CTNNA3: variants seen among roughly 807,000 people sequenced by gnomAD.
The protein encoded by CTNNA3 is catenin alpha-3.
In CTNNA3, 76 loss-of-function variants were observed where a neutral mutation model predicts 95.7. That is an observed-to-expected ratio of 0.79 (90% confidence interval 0.66 to 0.96). CTNNA3 has a LOEUF of 0.96. Ranked by LOEUF, CTNNA3 falls within the 40% of genes least tolerant of loss-of-function variation. The pLI, the probability that CTNNA3 is intolerant of heterozygous loss-of-function variation, is 0.00. For synonymous variants in CTNNA3, 431 were observed against 374.4 expected (o/e 1.15, Z -1.74); for missense variants, 1,191 against 1,089.8 (o/e 1.09, Z -1.31).
chr10:66,042,599 T>TA (rs770189742), intron 15 of CTNNA3, among the ~76,000 whole-genome samples: 23 of 150,630 alleles, frequency 1.5e-4, no homozygotes, highest in African/African-American at 3.2e-4. Flanking sequence ...GAAGTAGTAT[T>TA]AAAAAAAAAT....
intron 5 of CTNNA3, among the ~76,000 whole-genome samples, chr10:67,326,557 T>C (rs1841544660): frequency 6.6e-6 from 1 of 152,230 alleles, no homozygotes. Context: ...TGGCCCCCAA[T>C]TTCCTCTGGC....
At chr10:66,962,467 T>G (rs1849165659) in intron 7 of CTNNA3, among the ~76,000 whole-genome samples, 2 of 151,842 alleles carry the variant, frequency 1.3e-5, no homozygotes, top group Admixed American at 6.6e-5. Flanking sequence ...TGGAGTGCAG[T>G]GGTGTGATCT....
chr10:65,966,285 T>C (rs73306048), intron 17 of CTNNA3, among the ~76,000 whole-genome samples: 1 of 152,160 alleles, frequency 6.6e-6, no homozygotes, highest in Non-Finnish European at 1.5e-5. Context: ...TTTAGAAAAA[T>C]TATAGGATTC....
intron 11 of CTNNA3, among the ~76,000 whole-genome samples, chr10:66,480,381 C>A (rs1290200495): frequency 6.6e-6 from 1 of 152,112 alleles, no homozygotes; most frequent in Non-Finnish European, 1.5e-5. Flanking sequence ...ATGTTCCCAG[C>A]TCCTCTAATC....
intron 5 of CTNNA3, among the ~76,000 whole-genome samples, chr10:67,390,890 T>C (rs1256978515): frequency 2.7e-5 from 4 of 150,182 alleles, no homozygotes; most frequent in African/African-American, 9.8e-5. Context: ...AAATTAGGTA[T>C]TGATGGGACG....
chr10:67,332,294 T>C (rs1841824503), intron 5 of CTNNA3, among the ~76,000 whole-genome samples: 1 of 152,194 alleles, frequency 6.6e-6, no homozygotes, highest in Admixed American at 6.5e-5. Flanking sequence ...TCCTATTCTT[T>C]TTAGTGTTGA....
chr10:67,677,423 A>T (rs1442474526), intron 1 of CTNNA3, among the ~76,000 whole-genome samples: 1 of 152,112 alleles, frequency 6.6e-6, no homozygotes, highest in Non-Finnish European at 1.5e-5. Flanking sequence ...TGTGTCCTGT[A>T]TTTTTATTTA....
chr10:66,914,542 C>CAAA (rs34229702), intron 7 of CTNNA3, among the ~76,000 whole-genome samples: 10 of 132,382 alleles, frequency 7.6e-5, no homozygotes, highest in African/African-American at 1.7e-4. Context: ...AGTATACCAC[C>CAAA]AAAAAAAAAA....
At chr10:67,557,858 A>G (rs1484866701) in intron 3 of CTNNA3, among the ~76,000 whole-genome samples, 1 of 152,026 alleles carries the variant, frequency 6.6e-6, no homozygotes, top group East Asian at 1.9e-4. Flanking sequence ...ATTACTCAAC[A>G]CCTATGATAC....
intron 7 of CTNNA3, among the ~76,000 whole-genome samples, chr10:67,047,861 A>G (rs945749903): frequency 2.6e-5 from 4 of 152,020 alleles, no homozygotes; most frequent in African/African-American, 7.2e-5. Flanking sequence ...TCTTAGTTCA[A>G]TGTCATCCTA....
chr10:66,091,635 G>A lies in CTNNA3; in HGVS notation c.1977+11522C>T, dbSNP rs189067098. ...TAATACATCAGAGAGTGAAGGTAAT[G>A]TTATGGAAAAAAGTAAAGAAAAAAT... On this transcript the variant is annotated intron_variant, in intron 14 of 17. Transcript: ENST00000433211. Among the ~76,000 whole-genome samples the A allele has an allele frequency of 2.1e-3, 324 of 151,974 alleles. 2 individuals carry two copies. The highest frequency in any genetic ancestry group is 6.9e-3 in the African/African-American group (286 of 41,526).
At chr10:66,932,145 T>C (rs1847436666) in intron 7 of CTNNA3, among the ~76,000 whole-genome samples, 1 of 152,134 alleles carries the variant, frequency 6.6e-6, no homozygotes, top group African/African-American at 2.4e-5. Context: ...ACTGGTTCTA[T>C]TAGGCTCTCT....
At chr10:66,373,940 A>C (rs2092773583) in intron 12 of CTNNA3, among the ~76,000 whole-genome samples, 1 of 152,212 alleles carries the variant, frequency 6.6e-6, no homozygotes, top group Non-Finnish European at 1.5e-5. Flanking sequence ...GTAATGAATC[A>C]CTTTCTTAAT....
intron 12 of CTNNA3, among the ~76,000 whole-genome samples, chr10:66,285,609 C>G (rs2091572103): frequency 6.6e-6 from 1 of 151,660 alleles, no homozygotes; most frequent in Non-Finnish European, 1.5e-5. Context: ...GGACCTGAAC[C>G]AAGTAATGTT....
At chr10:66,580,650 T>C (rs1038258056) in intron 10 of CTNNA3, among the ~76,000 whole-genome samples, 4 of 151,798 alleles carry the variant, frequency 2.6e-5, no homozygotes, top group African/African-American at 7.2e-5. Flanking sequence ...ATTTTGGTTA[T>C]TATGTTAAAA....
At chr10:65,957,278 T>C (rs2077751025) in intron 17 of CTNNA3, among the ~76,000 whole-genome samples, 1 of 152,200 alleles carries the variant, frequency 6.6e-6, no homozygotes, top group African/African-American at 2.4e-5. Flanking sequence ...TGAGCCTATG[T>C]GTGTCTCTGC....
chr10:67,503,790 CTT>C (rs1318936771), intron 5 of CTNNA3, among the ~76,000 whole-genome samples: 1 of 152,178 alleles, frequency 6.6e-6, no homozygotes, highest in Non-Finnish European at 1.5e-5. Flanking sequence ...AAATTACTAA[CTT>C]TTTATAGCAG....
chr10:67,052,919 C>T (rs780198103), intron 7 of CTNNA3, among the ~76,000 whole-genome samples: 3 of 152,106 alleles, frequency 2.0e-5, no homozygotes, highest in Non-Finnish European at 2.9e-5. Context: ...AATAATAGTA[C>T]TCATTTGGCT....
chr10:67,474,253 T>C (rs540533172), intron 5 of CTNNA3, among the ~76,000 whole-genome samples: 12 of 152,200 alleles, frequency 7.9e-5, no homozygotes, highest in Admixed American at 2.0e-4. Context: ...AATACCAGAA[T>C]GTGACTGTAT....
Sources: allele counts gnomAD v4.1 joint callset (sites outside exome capture counted in the v4.1 genomes callset), GRCh38; gene constraint gnomAD v4.1.1; transcripts MANE v1.5; gene names NCBI Gene and HGNC (gene_info 2026-07-23, HGNC 2026-07-21).